FBXW7: variants seen among roughly 807,000 people sequenced by gnomAD.
The protein encoded by FBXW7 is F-box and WD repeat domain containing 7.
FBXW7 carries 11 observed loss-of-function variants against 86.3 expected under a neutral mutation model. The ratio of observed to expected loss-of-function variants is 0.13; its 90% CI spans 0.08 to 0.21. The LOEUF (loss-of-function observed/expected upper bound fraction) is 0.21. Among genes scored for constraint, FBXW7 ranks in the 10% least tolerant of loss-of-function variants. The pLI is 1.00. For synonymous variants in FBXW7, 313 were observed against 297.9 expected (o/e 1.05, Z -0.52); for missense variants, 488 against 847.4 (o/e 0.58, Z 5.27).
At chr4:152,439,095 A>G (rs1740640934) in intron 2 of FBXW7, among the ~76,000 whole-genome samples, 1 of 152,214 alleles carries the variant, frequency 6.6e-6, no homozygotes, top group Non-Finnish European at 1.5e-5. Flanking sequence ...GACCTTAAGA[A>G]AAAAACTAGA....
At chr4:152,326,794 C>A (rs1298575756) in intron 11 of FBXW7, among the ~76,000 whole-genome samples, 1 of 152,032 alleles carries the variant, frequency 6.6e-6, no homozygotes, top group Non-Finnish European at 1.5e-5. Context: ...TAAACAGCTG[C>A]AGATTTGTGT....
intron 4 of FBXW7, among the ~76,000 whole-genome samples, chr4:152,352,130 A>C (rs1731878592): frequency 6.6e-6 from 1 of 152,152 alleles, no homozygotes; most frequent in African/African-American, 2.4e-5. Context: ...ACTGTATACA[A>C]GGTATAGAAA....
intron 2 of FBXW7, among the ~76,000 whole-genome samples, chr4:152,424,946 T>G (rs1739250719): frequency 6.6e-6 from 1 of 152,258 alleles, no homozygotes; most frequent in African/African-American, 2.4e-5. Context: ...CAACTGACTA[T>G]GCATATGAAA....
At chr4:152,506,427 G>A (rs1177201778) in intron 2 of FBXW7, among the ~76,000 whole-genome samples, 3 of 152,164 alleles carry the variant, frequency 2.0e-5, no homozygotes, top group African/African-American at 4.8e-5. Flanking sequence ...CACCGCGCCC[G>A]GCCATGTGCT....
intron 4 of FBXW7, among the ~76,000 whole-genome samples, chr4:152,384,348 G>GA (rs1735347914): frequency 6.6e-6 from 1 of 152,146 alleles, no homozygotes; most frequent in African/African-American, 2.4e-5. Flanking sequence ...ATTCAGCTCT[G>GA]AAAAAGAAGG....
chr4:152,475,609 T>C (rs183422428), intron 2 of FBXW7, among the ~76,000 whole-genome samples: 1 of 152,228 alleles, frequency 6.6e-6, no homozygotes, highest in Non-Finnish European at 1.5e-5. Flanking sequence ...TTCAAAAGCA[T>C]GTTGTCTATA....
chr4:152,328,305 G>A lies in FBXW7; in HGVS notation c.1321C>T (p.Arg441Trp), dbSNP rs1729243072. The change falls in exon 11 of 14, where the codon CGG becomes TGG. Residue 441 changes from arginine (R) to tryptophan (W), a missense_variant. This residue lies in a region of FBXW7 where 142 missense variants were observed against 406.6 expected (regional missense o/e 0.35). Transcript: ENST00000281708. ...DNIIISGSTD[R>W]TLKVWNAETG... is the part of the protein sequence containing the mutation. ...TCTGCATTCCACACTTTGAGTGTCC[G>A]ATCTGTAGATCCACTAATGATGATG... The A allele has an allele frequency of 6.3e-7, 1 of 1,597,714 alleles. No individual in the cohort carries two copies. The highest frequency in any genetic ancestry group is 8.5e-7 in the Non-Finnish European group (1 of 1,172,996).
At chr4:152,530,122 CAT>C (rs201377079) in intron 2 of FBXW7, among the ~76,000 whole-genome samples, 4,631 of 145,770 alleles carry the variant, frequency 0.032, 118 homozygotes, top group African/African-American at 0.062. Context: ...TATACGTGTA[CAT>C]ATATATATAT....
intron 7 of FBXW7, among the ~76,000 whole-genome samples, chr4:152,333,529 T>C (rs1332389245): frequency 6.6e-6 from 1 of 152,048 alleles, no homozygotes; most frequent in East Asian, 1.9e-4. Flanking sequence ...ATTATTCAAG[T>C]AGCCTCACAT....
intron 4 of FBXW7, among the ~76,000 whole-genome samples, chr4:152,386,841 T>C (rs1477584547): frequency 2.0e-5 from 3 of 152,160 alleles, no homozygotes; most frequent in African/African-American, 7.2e-5. Flanking sequence ...AAAACAATTA[T>C]ATATAAATGT....
At chr4:152,404,378 T>A (rs1020845237) in intron 4 of FBXW7, among the ~76,000 whole-genome samples, 1 of 152,134 alleles carries the variant, frequency 6.6e-6, no homozygotes, top group African/African-American at 2.4e-5. Context: ...TAAGAAAAAA[T>A]AACCTTTTAT....
At chr4:152,401,884 G>A (rs1251326723) in intron 4 of FBXW7, among the ~76,000 whole-genome samples, 1 of 152,136 alleles carries the variant, frequency 6.6e-6, no homozygotes, top group East Asian at 1.9e-4. Flanking sequence ...AATGCAGGAA[G>A]TCTCCAAAAA....
chr4:152,335,426 C>A (rs1373527873), intron 7 of FBXW7, among the ~76,000 whole-genome samples: 1 of 152,098 alleles, frequency 6.6e-6, no homozygotes, highest in Non-Finnish European at 1.5e-5. Context: ...TATGATCATT[C>A]CACTGCATCC....
chr4:152,534,596 C>A (rs1195494454), intron 2 of FBXW7, among the ~76,000 whole-genome samples: 1 of 152,162 alleles, frequency 6.6e-6, no homozygotes, highest in Non-Finnish European at 1.5e-5. Flanking sequence ...ACCGCACACA[C>A]CCACAGTACC....
intron 2 of FBXW7, among the ~76,000 whole-genome samples, chr4:152,473,164 A>T (rs1204887910): frequency 6.6e-6 from 1 of 152,228 alleles, no homozygotes; most frequent in Non-Finnish European, 1.5e-5. Flanking sequence ...AGATAGCATG[A>T]GCCCAGGAGG....
At chr4:152,328,644 T>C (rs1163356445) in intron 10 of FBXW7, 3 of 274,788 alleles carry the variant, frequency 1.1e-5, no homozygotes, top group African/African-American at 2.2e-5. Flanking sequence ...AAACATGATA[T>C]AATAAAAAGG....
rs753740006 is a variant in FBXW7, at chr4:152,516,826, CTTTT to C, written c.-120+18111_-120+18114del. Among the ~76,000 whole-genome samples, 29 of 152,212 alleles carry C rather than the reference CTTTT, an allele frequency of 1.9e-4. 1 individual carries two copies. The highest frequency in any genetic ancestry group is 3.4e-4 in the Non-Finnish European group (23 of 68,000). On this transcript the variant is annotated intron_variant, in intron 2 of 13. Coordinates refer to ENST00000281708, the MANE Select transcript of FBXW7 (RefSeq NM_001349798.2). ...TGTAAACTTAGTATGGTTGTTTCCG[CTTTT>C]TTTGTTTGTTTTTGAGACAGGGTCT...
chr4:152,524,196 T>G (rs1266483386), intron 2 of FBXW7, among the ~76,000 whole-genome samples: 32 of 152,172 alleles, frequency 2.1e-4, no homozygotes. Flanking sequence ...CATCCCAGTT[T>G]TAAAAGAAAC....
In FBXW7 at chr4:152,321,424, A is replaced by G. The variant is rs1160314214; in HGVS notation, c.*1457T>C. On this transcript the variant is annotated 3_prime_UTR_variant, in exon 14 of 14. Coordinates refer to ENST00000281708, the MANE Select transcript of FBXW7 (RefSeq NM_001349798.2). The stretch of plus-strand genomic sequence containing the variant: ...GAATCTGATTGTTTTAAATCAGACT[A>G]TAAATAAAACAAACAAAAAAATAAA... The G allele has an allele frequency of 8.6e-6, 2 of 232,880 alleles. No individual in the cohort carries two copies. The highest frequency in any genetic ancestry group is 4.4e-5 in the African/African-American group (2 of 45,314). The allele number at this position is 232,880 out of a possible 1,614,324, so 14.4% of individuals were successfully genotyped here. A position where few individuals can be genotyped will look rare whatever the true frequency, so the allele number is the denominator to read the frequency against.
Sources: allele counts gnomAD v4.1 joint callset (sites outside exome capture counted in the v4.1 genomes callset), GRCh38; gene constraint gnomAD v4.1.1; regional missense constraint gnomAD v4.1.1; transcripts MANE v1.5; gene names NCBI Gene and HGNC (gene_info 2026-07-23, HGNC 2026-07-21).